Variants in TRERF1 observed in about 807,000 individuals in gnomAD.
The protein encoded by TRERF1 is transcriptional regulating factor 1, also known as transcriptional-regulating factor 1.
In TRERF1, 27 loss-of-function variants were observed where a neutral mutation model predicts 122.9. The observed-to-expected ratio is 0.22, with a 90% confidence interval of 0.16 to 0.30. The LOEUF (loss-of-function observed/expected upper bound fraction) is 0.30, where lower values mean the gene tolerates loss of function less well. TRERF1 is among the 10% of genes least tolerant of loss of function. TRERF1 has a pLI of 1.00. For synonymous variants in TRERF1, 636 were observed against 641.7 expected (o/e 0.99, Z 0.13); for missense variants, 1,248 against 1,560.3 (o/e 0.80, Z 3.37).
exon 16 of TRERF1, chr6:42,236,367 GTCC>G (rs111816381): frequency 9.7e-5 from 152 of 1,559,690 alleles, no homozygotes; most frequent in Non-Finnish European, 9.6e-5. Flanking sequence ...CTTCTTCCGG[GTCC>G]TCCTCCTCCT....
At chr6:42,258,052 T>A (rs1392539091) in intron 10 of TRERF1, 83 bp downstream of exon 10, 9 of 1,206,992 alleles carry the variant, frequency 7.5e-6, no homozygotes, top group Non-Finnish European at 1.1e-5. Flanking sequence ...TCTCTCAGTG[T>A]AATCCTCTGA....
rs1209606522 is a variant in TRERF1 at position 42,357,070 on chromosome 6, C to T, written c.-371+5927G>A. On this transcript the variant is annotated intron_variant, in intron 3 of 17. Transcript: ENST00000372922. ...TGTTGGCTGGGTGCGGTGACTCACG[C>T]CTGTAATCCCAGCATTTTGGGAGGC... Among the ~76,000 whole-genome samples, 9 of 152,008 alleles carry T rather than the reference C, an allele frequency of 5.9e-5. No homozygotes were observed. In the East Asian group the frequency reaches 1.7e-3, roughly 29 times the overall value.
At chr6:42,249,789 C>T (rs1348528607) in intron 13 of TRERF1, among the ~76,000 whole-genome samples, 4 of 152,172 alleles carry the variant, frequency 2.6e-5, no homozygotes, top group Non-Finnish European at 4.4e-5. Context: ...AATGATAGTG[C>T]TCTGTGTGTG....
At chr6:42,335,258 T>C (rs989356284) in intron 3 of TRERF1, among the ~76,000 whole-genome samples, 10 of 152,152 alleles carry the variant, frequency 6.6e-5, no homozygotes, top group African/African-American at 2.4e-4. Context: ...TAGCATGAGG[T>C]ATTCCTTAAT....
intron 13 of TRERF1, among the ~76,000 whole-genome samples, chr6:42,250,365 T>C (rs1582558501): frequency 6.6e-6 from 1 of 152,178 alleles, no homozygotes; most frequent in South Asian, 2.1e-4. Flanking sequence ...ATTATATCCA[T>C]AGTCTTCTCC....
rs1781123664 is a variant in TRERF1, at chr6:42,276,265, C to T, written c.-258-6417G>A. ...CACCAGGAGAGGAAGTTGACTTTGGCGGAGGTCTCCGCAGGACTTGTTTGC... is the reference window on the plus strand; with the variant it reads ...CACCAGGAGAGGAAGTTGACTTTGGTGGAGGTCTCCGCAGGACTTGTTTGC... On this transcript the variant is annotated intron_variant, in intron 4 of 17. Coordinates refer to ENST00000372922, the Ensembl canonical transcript of TRERF1. The surrounding 1 kb of genome is among the most constrained non-coding windows in gnomAD (Gnocchi z 4.3). Among the ~76,000 whole-genome samples the T allele has an allele frequency of 6.6e-6, 1 of 152,214 alleles. No individual in the cohort carries two copies. The highest frequency in any genetic ancestry group is 2.4e-5 in the African/African-American group (1 of 41,442).
At chr6:42,435,358 C>T (rs1484691474) in intron 2 of TRERF1, among the ~76,000 whole-genome samples, 1 of 151,978 alleles carries the variant, frequency 6.6e-6, no homozygotes, top group African/African-American at 2.4e-5. Context: ...ACATGGATGG[C>T]ATGTATACAG....
In TRERF1 at chr6:42,269,431, A is replaced by T. The variant is rs1392451596; in HGVS notation, c.160T>A (p.Ser54Thr). 4 of 1,613,906 alleles carry T rather than the reference A, an allele frequency of 2.5e-6. No homozygotes were observed. The Admixed American group carries it at 6.7e-5, about 27-fold the overall frequency. The change falls in exon 5 of 18, where the codon TCC becomes ACC. Residue 54 changes from serine to threonine, a missense_variant. This residue lies in a region of TRERF1 where 946 missense variants were observed against 1,073.0 expected (regional missense o/e 0.88). Coordinates refer to ENST00000372922, the Ensembl canonical transcript of TRERF1. This position sits in a 1 kb window ranked among gnomAD's most constrained non-coding sequence, Gnocchi z 4.9. ...CGTGTATCTTGAGGGAAGTGGGGGG[A>T]GATTGGCGAGGCCTGAGGGGCATCC...
intron 3 of TRERF1, among the ~76,000 whole-genome samples, chr6:42,333,163 G>A (rs1765527314): frequency 6.6e-6 from 1 of 152,186 alleles, no homozygotes; most frequent in Non-Finnish European, 1.5e-5. Context: ...GAGATGGATC[G>A]TTTGCTGGTT....
At chr6:42,320,197 C>A (rs140283573) in intron 3 of TRERF1, among the ~76,000 whole-genome samples, 14 of 152,168 alleles carry the variant, frequency 9.2e-5, no homozygotes, top group Middle Eastern at 3.4e-3. Flanking sequence ...CCGCACCCAG[C>A]CATAACTAAA....
intron 4 of TRERF1, among the ~76,000 whole-genome samples, chr6:42,272,182 C>T (rs1022005526): frequency 2.0e-5 from 3 of 152,094 alleles, no homozygotes; most frequent in Non-Finnish European, 2.9e-5. Flanking sequence ...TTAAAAGATT[C>T]TTTTAGGGAG....
intron 2 of TRERF1, among the ~76,000 whole-genome samples, chr6:42,372,038 C>T (rs763242636): frequency 1.3e-5 from 2 of 151,934 alleles, no homozygotes; most frequent in Non-Finnish European, 2.9e-5. Flanking sequence ...AAAAATTAGC[C>T]GGGCATGGTG....
At chr6:42,267,943 A>G (rs1779502820) in intron 5 of TRERF1, among the ~76,000 whole-genome samples, 1 of 152,240 alleles carries the variant, frequency 6.6e-6, no homozygotes, top group Admixed American at 6.5e-5. Context: ...TTAGTAGATT[A>G]TAAGCTCCAT....
intron 3 of TRERF1, among the ~76,000 whole-genome samples, chr6:42,319,812 C>T (rs1470873405): frequency 1.1e-4 from 13 of 114,202 alleles, no homozygotes; most frequent in African/African-American, 1.6e-4. Context: ...GACTGTGTTT[C>T]AAAAAAAAAA....
At chr6:42,387,438 T>G (rs927072191) in intron 2 of TRERF1, among the ~76,000 whole-genome samples, 1 of 152,236 alleles carries the variant, frequency 6.6e-6, no homozygotes, top group Non-Finnish European at 1.5e-5. Flanking sequence ...TACCAGCCTT[T>G]ACCTTTTACT....
At chr6:42,236,441 G>A (rs1438209101) in intron 15 of TRERF1, 30 bp from the exon 16 acceptor site, 14 of 1,545,880 alleles carry the variant, frequency 9.1e-6, no homozygotes, top group Admixed American at 2.0e-5. Context: ...AGCAAGAGGG[G>A]AAAATCCCCA....
chr6:42,371,908 G>A (rs141105299), intron 2 of TRERF1, among the ~76,000 whole-genome samples: 18 of 152,272 alleles, frequency 1.2e-4, no homozygotes, highest in East Asian at 3.9e-4. Flanking sequence ...AAGGCTGGGC[G>A]CAGTGGCTCA....
intron 4 of TRERF1, among the ~76,000 whole-genome samples, chr6:42,299,602 C>A (rs1388998246): frequency 6.6e-6 from 1 of 152,080 alleles, no homozygotes; most frequent in African/African-American, 2.4e-5. Flanking sequence ...TTGAGCTGCA[C>A]AATAAGCTAA....
At chr6:42,319,887 A>G (rs1763113929) in intron 3 of TRERF1, among the ~76,000 whole-genome samples, 1 of 150,056 alleles carries the variant, frequency 6.7e-6, no homozygotes, top group Non-Finnish European at 1.5e-5. Flanking sequence ...TAAATACATT[A>G]TATCATTATT....
Sources: gnomAD v4.1 joint callset for allele counts (sites outside exome capture counted in the v4.1 genomes callset) on GRCh38, gnomAD v4.1.1 for gene constraint, gnomAD v4.1.1 regional missense constraint, Gnocchi (gnomAD v3.1) non-coding constraint, MANE v1.5 for transcripts, NCBI Gene and HGNC (gene_info 2026-07-23, HGNC 2026-07-21) for gene names.